Variants in GRID1 observed in about 807,000 individuals in gnomAD.
GRID1 encodes glutamate ionotropic receptor delta type subunit 1.
GRID1 carries 28 observed loss-of-function variants against 98.0 expected under a neutral mutation model. The observed-to-expected ratio is 0.29, with a 90% CI of 0.21 to 0.39. The LOEUF (loss-of-function observed/expected upper bound fraction) is 0.39. GRID1 is among the 10% of genes least tolerant of loss of function. GRID1 has a pLI of 1.00. For missense variants in GRID1, 1,111 were observed against 1,340.5 expected (o/e 0.83, Z 2.67); for synonymous variants, 553 against 538.5 (o/e 1.03, Z -0.37).
At chr10:86,364,226 T>C in intron 1 of GRID1, 130 bp from the exon 2 acceptor site, 1 of 711,810 alleles carries the variant, frequency 1.4e-6, no homozygotes, top group Non-Finnish European at 2.4e-6. Context: ...GGATTTCAGC[T>C]TGGCGGGGTA....
intron 5 of GRID1, among the ~76,000 whole-genome samples, chr10:85,898,213 A>C (rs1354966099): frequency 6.6e-6 from 1 of 152,232 alleles, no homozygotes; most frequent in Admixed American, 6.5e-5. Flanking sequence ...TAGAAAAGGT[A>C]TAGTAAAAAT....
chr10:85,989,465 G>A (rs565508238), intron 4 of GRID1, among the ~76,000 whole-genome samples: 48 of 152,280 alleles, frequency 3.2e-4, no homozygotes, highest in Non-Finnish European at 5.4e-4. Context: ...GTTAGAAGCC[G>A]GGCCACACAG....
chr10:85,816,386 A>C (rs1842716053), intron 8 of GRID1, among the ~76,000 whole-genome samples: 2 of 152,220 alleles, frequency 1.3e-5, no homozygotes, highest in South Asian at 4.1e-4. Flanking sequence ...AATGAATCTT[A>C]AATAGATTTT....
At chr10:85,788,681 A>G (rs868035006) in intron 8 of GRID1, among the ~76,000 whole-genome samples, 2 of 152,242 alleles carry the variant, frequency 1.3e-5, no homozygotes, top group African/African-American at 4.8e-5. Context: ...AAAGTCTTGC[A>G]CTGTGAAATG....
Position 85,724,482 on chromosome 10 carries a change from A to G in GRID1, c.1728T>C (p.Val576=). 1 of 1,614,162 alleles carries G rather than the reference A, an allele frequency of 6.2e-7. No homozygotes were observed. The highest frequency in any genetic ancestry group is 8.5e-7 in the Non-Finnish European group (1 of 1,180,002). The change falls in exon 11 of 16, where the codon GTT becomes GTC. Residue 576 remains valine, a synonymous_variant. Coordinates refer to ENST00000327946, the MANE Select transcript of GRID1 (RefSeq NM_017551.3). ...WACIAAAIPV[V]GVLIFVLNRI... is the part of the protein sequence containing the mutation. Reference sequence around the variant, plus strand: ...TGTTCAACACAAATATCAGCACACCAACCACAGGGATGGCTGCTGCAATGC... The same window carrying G: ...TGTTCAACACAAATATCAGCACACCGACCACAGGGATGGCTGCTGCAATGC...
intron 4 of GRID1, among the ~76,000 whole-genome samples, chr10:86,023,830 CAAGT>C (rs1396702332): frequency 1.3e-5 from 2 of 152,158 alleles, no homozygotes; most frequent in Admixed American, 6.5e-5. Context: ...TCAGATGAAT[CAAGT>C]AAGTTCCCTT....
At chr10:85,876,774 C>T (rs1009089262) in intron 5 of GRID1, among the ~76,000 whole-genome samples, 10 of 152,170 alleles carry the variant, frequency 6.6e-5, no homozygotes, top group Non-Finnish European at 1.0e-4. Flanking sequence ...GTGGATGCAG[C>T]GCACCGTGTG....
intron 5 of GRID1, among the ~76,000 whole-genome samples, chr10:85,887,936 CT>C (rs35615612): frequency 8.1e-4 from 123 of 152,202 alleles, no homozygotes; most frequent in East Asian, 5.8e-3. Context: ...CAGAGCAGCC[CT>C]TTTTCTGCCC....
chr10:85,917,214 C>A (rs1841632988), intron 4 of GRID1, among the ~76,000 whole-genome samples: 1 of 152,076 alleles, frequency 6.6e-6, no homozygotes, highest in African/African-American at 2.4e-5. Context: ...GGCACTGAGC[C>A]AGGCTGACTA....
intron 12 of GRID1, among the ~76,000 whole-genome samples, chr10:85,671,857 T>C (rs1841089477): frequency 6.6e-6 from 1 of 152,248 alleles, no homozygotes; most frequent in Non-Finnish European, 1.5e-5. Context: ...GAGAAAGTTT[T>C]AGTGGTCTGA....
chr10:85,913,387 T>C (rs1184530213), intron 5 of GRID1, among the ~76,000 whole-genome samples: 1 of 152,266 alleles, frequency 6.6e-6, no homozygotes, highest in East Asian at 1.9e-4. Context: ...AGACTCTGTT[T>C]TCCCATCTGC....
chr10:85,934,781 T>C lies in GRID1; in HGVS notation c.727-18542A>G, dbSNP rs1339308762. ...CGCTGGCTGGGGCCACTGCCAGGCG[T>C]GGCCTGAGTGCCAGGCAGCTCCAGG... On this transcript the variant is annotated intron_variant, in intron 4 of 15. Transcript: ENST00000327946. Among the ~76,000 whole-genome samples the C allele has an allele frequency of 5.3e-5, 8 of 152,264 alleles. No homozygotes were observed. The East Asian group carries it at 1.6e-3, about 30-fold the overall frequency.
At chr10:86,017,947 C>T (rs1175640597) in intron 4 of GRID1, among the ~76,000 whole-genome samples, 4 of 152,194 alleles carry the variant, frequency 2.6e-5, no homozygotes, top group Non-Finnish European at 5.9e-5. Context: ...ACAGACCATG[C>T]CCAGACTCAG....
intron 4 of GRID1, among the ~76,000 whole-genome samples, chr10:86,033,833 C>T (rs1843219085): frequency 6.6e-6 from 1 of 152,218 alleles, no homozygotes; most frequent in South Asian, 2.1e-4. Context: ...TCCCACCAAC[C>T]AGCTCCAGTG....
intron 3 of GRID1, among the ~76,000 whole-genome samples, chr10:86,176,219 A>C (rs1845573440): frequency 6.6e-6 from 1 of 152,220 alleles, no homozygotes; most frequent in African/African-American, 2.4e-5. Context: ...CCTGTCTTTG[A>C]ACACCACGTT....
rs148966615 is a variant in GRID1 at position 85,763,711 on chromosome 10, A to AATC, written c.1234-34100_1234-34098dup. On this transcript the variant is annotated intron_variant, in intron 8 of 15. Coordinates refer to ENST00000327946, the MANE Select transcript of GRID1 (RefSeq NM_017551.3). The stretch of plus-strand genomic sequence containing the variant: ...AAGCAGTGTCCTCTGCATTTGTTAG[A>AATC]ATCATCAGTAGACAGATTTGAGTAT... Among the ~76,000 whole-genome samples the AATC allele has an allele frequency of 3.5e-3, 527 of 152,352 alleles. 5 individuals carry two copies. The highest frequency in any genetic ancestry group is 0.012 in the African/African-American group (507 of 41,582).
intron 2 of GRID1, among the ~76,000 whole-genome samples, chr10:86,231,455 A>AC (rs1199800733): frequency 2.6e-5 from 4 of 151,768 alleles, no homozygotes; most frequent in Non-Finnish European, 5.9e-5. Flanking sequence ...CCTATTCCAG[A>AC]CCCCCTAAGT....
intron 12 of GRID1, among the ~76,000 whole-genome samples, chr10:85,662,454 G>A (rs1840976009): frequency 6.6e-6 from 1 of 152,192 alleles, no homozygotes. Flanking sequence ...AGGAGCCGCT[G>A]GGCCAGCAAC....
At chr10:85,630,050 A>T (rs1487883101) in intron 13 of GRID1, among the ~76,000 whole-genome samples, 1 of 152,154 alleles carries the variant, frequency 6.6e-6, no homozygotes, top group Non-Finnish European at 1.5e-5. Context: ...CCACTTTTTA[A>T]TGGAGGGACA....
Sources: gnomAD v4.1 joint callset for allele counts (sites outside exome capture counted in the v4.1 genomes callset) on GRCh38, gnomAD v4.1.1 for gene constraint, MANE v1.5 for transcripts, NCBI Gene and HGNC (gene_info 2026-07-23, HGNC 2026-07-21) for gene names.